ANLN: variants seen among roughly 807,000 people sequenced by gnomAD.
ANLN encodes anillin.
ANLN carries 59 observed loss-of-function variants against 135.1 expected under a neutral mutation model. That is an observed-to-expected ratio of 0.44 (90% confidence interval 0.35 to 0.54). The LOEUF is 0.54. Among genes scored for constraint, ANLN ranks in the 20% least tolerant of loss-of-function variants. The probability of loss-of-function intolerance (pLI) is 0.00; values close to 1 mark genes in which losing one functional copy is unlikely to be tolerated. For missense variants in ANLN, 1,182 were observed against 1,340.0 expected (o/e 0.88, Z 1.84); for synonymous variants, 406 against 456.4 (o/e 0.89, Z 1.41).
At position 36,389,975 on chromosome 7, in the gene ANLN, TC is replaced by T; in HGVS notation, c.-50del. ...ACTGAGCTGAGACTCACTTTTCTCT[TC>T]CTGAATTTGAACCACCGTTTCCATC... On this transcript the variant is annotated 5_prime_UTR_variant, in exon 1 of 24. Coordinates refer to ENST00000265748, the MANE Select transcript of ANLN (RefSeq NM_018685.5). The T allele has an allele frequency of 6.2e-7, 1 of 1,614,060 alleles. No homozygotes were observed. The highest frequency in any genetic ancestry group is 8.5e-7 in the Non-Finnish European group (1 of 1,179,960).
At chr7:36,423,689 A>T in intron 14 of ANLN, 128 bp from the exon 15 acceptor site, 1 of 900,666 alleles carries the variant, frequency 1.1e-6, no homozygotes, top group Non-Finnish European at 1.5e-6. Flanking sequence ...AGTTGATTTT[A>T]GTAATTTTAA....
chr7:36,421,226 C>G (rs778001310), intron 12 of ANLN, among the ~76,000 whole-genome samples: 1 of 152,076 alleles, frequency 6.6e-6, no homozygotes, highest in Non-Finnish European at 1.5e-5. Context: ...CACCACCACA[C>G]CTGGCTAATT....
At position 36,406,222 on chromosome 7, in the gene ANLN, G is replaced by GA; in HGVS notation, c.530dup (p.Glu178GlyfsTer38). ...CTCACTCTTCTCACCAATGCCATCA[G>GA]AGGAAAAGGCTGCTTCCCCTCCCAG... On this transcript the variant is annotated frameshift_variant, in exon 4 of 24. Coordinates refer to ENST00000265748, the MANE Select transcript of ANLN (RefSeq NM_018685.5). LOFTEE classifies it high-confidence loss of function. 6.2e-7 allele frequency: 1 copy of GA among 1,612,182 alleles called. No homozygotes were observed. Among genetic ancestry groups the GA allele is most frequent in the Non-Finnish European group, 8.5e-7 (1 of 1,178,322 alleles).
In ANLN at chr7:36,396,363, G is replaced by A. The variant is rs555242135; in HGVS notation, c.116G>A (p.Arg39Gln). The A allele has an allele frequency of 1.6e-5, 25 of 1,604,656 alleles. No homozygotes were observed. In the South Asian group the frequency reaches 2.1e-4, roughly 13 times the overall value. ...CCAAGGTCTATGACTCATGCTAAGC[G>A]AGCTAGACAGCCACTTTCAGAAGCA... is the stretch of plus-strand genomic sequence containing the variant. ...AAPRSMTHAK[R>Q]ARQPLSEASN... Residue 39 changes from arginine (R) to glutamine (Q), a missense_variant, in exon 2 of 24, where the codon CGA becomes CAA. Arg to Gln is a conservative substitution (Grantham distance 43, BLOSUM62 1). Transcript: ENST00000265748.
intron 20 of ANLN, among the ~76,000 whole-genome samples, chr7:36,437,146 T>C (rs1788580468): frequency 6.6e-6 from 1 of 152,208 alleles, no homozygotes; most frequent in South Asian, 2.1e-4. Context: ...GCTCCTCATA[T>C]TCTCCTCCCC....
intron 8 of ANLN, 28 bp from the exon 9 acceptor site, chr7:36,417,048 ATATT>A: frequency 8.5e-7 from 1 of 1,174,920 alleles, no homozygotes; most frequent in Non-Finnish European, 1.2e-6. Context: ...GTTCTTATAT[ATATT>A]AATATGGTCT....
At chr7:36,425,779 A>G in intron 18 of ANLN, 39 bp downstream of exon 18, 3 of 1,581,532 alleles carry the variant, frequency 1.9e-6, no homozygotes, top group Non-Finnish European at 2.6e-6. Flanking sequence ...TCCTTGAGAA[A>G]TCTTCATCTT....
intron 20 of ANLN, among the ~76,000 whole-genome samples, chr7:36,434,304 C>T (rs550173754): frequency 6.6e-6 from 1 of 152,312 alleles, no homozygotes; most frequent in African/African-American, 2.4e-5. Context: ...AAGTACTGCA[C>T]GTCTACAAGA....
At chr7:36,447,059 A>G (rs577276792) in intron 22 of ANLN, among the ~76,000 whole-genome samples, 1 of 152,348 alleles carries the variant, frequency 6.6e-6, no homozygotes, top group Admixed American at 6.5e-5. Context: ...CATCAGTCAT[A>G]ACACGTTTCT....
chr7:36,411,953 G>A (rs945622017), intron 7 of ANLN, among the ~76,000 whole-genome samples: 1 of 152,044 alleles, frequency 6.6e-6, no homozygotes, highest in African/African-American at 2.4e-5. Context: ...TATCTCTCCT[G>A]AGCTCTAGGT....
intron 1 of ANLN, among the ~76,000 whole-genome samples, chr7:36,393,025 T>G (rs961328507): frequency 6.7e-5 from 10 of 148,956 alleles, no homozygotes; most frequent in East Asian, 4.0e-4. Flanking sequence ...TTCTTTTTTC[T>G]TTTTTCGTTT....
At chr7:36,402,402 C>T (rs188539573) in intron 3 of ANLN, among the ~76,000 whole-genome samples, 29 of 152,180 alleles carry the variant, frequency 1.9e-4, no homozygotes, top group African/African-American at 4.8e-4. Flanking sequence ...TGTGAGCCAC[C>T]GTGTCCTGCC....
Position 36,410,501 on chromosome 7 carries a change from G to A in ANLN, c.1097-13G>A. ...TTTTGAATAGCCTCCAAAAATGTGT[G>A]TGTTTTCTGTAGGAGGAACAGGAAT... is the stretch of plus-strand genomic sequence containing the variant. On this transcript the variant is annotated splice_polypyrimidine_tract_variant and intron_variant, in intron 5 of 23. Transcript: ENST00000265748. 6.4e-7 allele frequency: 1 copy of A among 1,566,874 alleles called. No homozygotes were observed. Among genetic ancestry groups the A allele is most frequent in the South Asian group, 1.2e-5 (1 of 83,646 alleles).
chr7:36,450,038 G>C (rs1204490401), intron 23 of ANLN, among the ~76,000 whole-genome samples: 2 of 152,184 alleles, frequency 1.3e-5, no homozygotes, highest in African/African-American at 4.8e-5. Context: ...TAATACTCAG[G>C]TTGTATCTTA....
chr7:36,437,429 A>G (rs888506558), intron 20 of ANLN, among the ~76,000 whole-genome samples: 1 of 152,108 alleles, frequency 6.6e-6, no homozygotes, highest in African/African-American at 2.4e-5. Flanking sequence ...TGGCCTCTTC[A>G]TTTATTGATG....
In ANLN at chr7:36,406,642, G is replaced by C. The variant is rs773387745; in HGVS notation, c.873+76G>C. On this transcript the variant is annotated intron_variant, in intron 4 of 23. Coordinates refer to ENST00000265748, the MANE Select transcript of ANLN (RefSeq NM_018685.5). ...AGTGGTATAATACATCTGTGTGTAT[G>C]TGCAGGTGGATGGGTGGATATATGT... 25 of 1,285,348 alleles carry C rather than the reference G, an allele frequency of 1.9e-5. No homozygotes were observed. In the Middle Eastern group the frequency reaches 8.5e-4, roughly 44 times the overall value. 79.6% of individuals were successfully genotyped at this position (1,285,348 alleles called of 1,614,324 possible).
At chr7:36,390,258 C>G in intron 1 of ANLN, 1 of 709,296 alleles carries the variant, frequency 1.4e-6, no homozygotes, top group Non-Finnish European at 2.3e-6. Context: ...AGATAAAACT[C>G]AGGGAGGAAG....
At chr7:36,394,472 A>G (rs1562781719) in intron 1 of ANLN, among the ~76,000 whole-genome samples, 1 of 152,124 alleles carries the variant, frequency 6.6e-6, no homozygotes, top group Non-Finnish European at 1.5e-5. Context: ...TGGATTTGTG[A>G]AACAATATGC....
At chr7:36,410,082 G>A (rs16879370) in intron 5 of ANLN, among the ~76,000 whole-genome samples, 4 of 152,134 alleles carry the variant, frequency 2.6e-5, no homozygotes, top group South Asian at 2.1e-4. Context: ...TTTCACGTTA[G>A]GCTTCCTAAA....
Sources: allele counts gnomAD v4.1 joint callset (sites outside exome capture counted in the v4.1 genomes callset), GRCh38; gene constraint gnomAD v4.1.1; transcripts MANE v1.5; gene names NCBI Gene and HGNC (gene_info 2026-07-23, HGNC 2026-07-21).